The following FHIP1A variants were observed in gnomAD, a reference collection of about 807,000 sequenced individuals.
FHIP1A encodes the protein FHF complex subunit HOOK-interacting protein 1A.
A neutral mutation model predicts 88.6 loss-of-function variants in FHIP1A; 61 were observed. The observed-to-expected ratio is 0.69, with a 90% CI of 0.56 to 0.85. The LOEUF (loss-of-function observed/expected upper bound fraction) is 0.85, where lower values mean the gene tolerates loss of function less well. Ranked by LOEUF, FHIP1A falls within the 40% of genes least tolerant of loss-of-function variation. FHIP1A has a pLI of 0.00. For missense variants in FHIP1A, 1,154 were observed against 1,273.5 expected (o/e 0.91, Z 1.43); for synonymous variants, 478 against 496.0 (o/e 0.96, Z 0.48).
At position 151,669,095 on chromosome 4, in the gene FHIP1A, A is replaced by G. The variant is rs188002860; in HGVS notation, c.*6341A>G. Among the ~76,000 whole-genome samples the G allele has an allele frequency of 5.0e-4, 76 of 152,360 alleles. No individual in the cohort carries two copies. The highest frequency in any genetic ancestry group is 1.5e-3 in the African/African-American group (64 of 41,582). On this transcript the variant is annotated 3_prime_UTR_variant, in exon 14 of 14. Coordinates refer to ENST00000435205, the MANE Select transcript of FHIP1A (RefSeq NM_001109977.3). ...TGTATTTCACTGAGGCCCCTTTATA[A>G]GCAGAGCCATCTTTGCGAATTTCTT...
At chr4:151,548,895 G>A (rs1338120552) in intron 3 of FHIP1A, among the ~76,000 whole-genome samples, 2 of 152,202 alleles carry the variant, frequency 1.3e-5, no homozygotes, top group African/African-American at 4.8e-5. Context: ...TCTCAGCAAG[G>A]CAACTTTTAC....
Position 151,666,579 on chromosome 4 carries a change from A to C in FHIP1A, c.*3825A>C, listed in dbSNP as rs1341803706. Among the ~76,000 whole-genome samples, 1 of 152,194 alleles carries C rather than the reference A, an allele frequency of 6.6e-6. No individual in the cohort carries two copies. Among genetic ancestry groups the C allele is most frequent in the South Asian group, 2.1e-4 (1 of 4,830 alleles). ...CAGAATCTAGAAACAGGCTACATGAATATTGGGGTTGCCTGTTTAATTTGG... is the reference window on the plus strand; with the variant it reads ...CAGAATCTAGAAACAGGCTACATGACTATTGGGGTTGCCTGTTTAATTTGG... On this transcript the variant is annotated 3_prime_UTR_variant, in exon 14 of 14. Transcript: ENST00000435205.
At chr4:151,539,036 A>C (rs1446156433) in intron 3 of FHIP1A, among the ~76,000 whole-genome samples, 4 of 152,132 alleles carry the variant, frequency 2.6e-5, no homozygotes, top group Non-Finnish European at 4.4e-5. Flanking sequence ...ATTAGGGATT[A>C]TTGTCCAGTG....
At chr4:151,564,518 G>A (rs985939458) in intron 3 of FHIP1A, among the ~76,000 whole-genome samples, 3 of 152,178 alleles carry the variant, frequency 2.0e-5, no homozygotes, top group African/African-American at 4.8e-5. Context: ...GGGAGAATGC[G>A]TACCCTGCAA....
chr4:151,532,488 T>C (rs1731914796), intron 3 of FHIP1A, among the ~76,000 whole-genome samples: 1 of 152,202 alleles, frequency 6.6e-6, no homozygotes, highest in Non-Finnish European at 1.5e-5. Flanking sequence ...AAGAGCCTCC[T>C]GGAGGAAGGT....
rs1158764902 is a variant in FHIP1A at position 151,665,405 on chromosome 4, T to G, written c.*2651T>G. Among the ~76,000 whole-genome samples the G allele has an allele frequency of 6.6e-6, 1 of 152,226 alleles. No homozygotes were observed. Among genetic ancestry groups the G allele is most frequent in the Middle Eastern group, 3.2e-3 (1 of 316 alleles). On this transcript the variant is annotated 3_prime_UTR_variant, in exon 14 of 14. Coordinates refer to ENST00000435205, the MANE Select transcript of FHIP1A (RefSeq NM_001109977.3). ...GATAACACTAACTTCCTATTTGGAT[T>G]TGGAAACTGGTTCCTGTTTCTGAAT...
chr4:151,507,030 T>G (rs187153703), intron 3 of FHIP1A, among the ~76,000 whole-genome samples: 1 of 152,162 alleles, frequency 6.6e-6, no homozygotes, highest in Admixed American at 6.5e-5. Flanking sequence ...ACAAGGTACT[T>G]GTTTCTAGTT....
intron 5 of FHIP1A, among the ~76,000 whole-genome samples, chr4:151,584,513 C>T (rs1327652291): frequency 6.6e-6 from 1 of 152,108 alleles, no homozygotes; most frequent in African/African-American, 2.4e-5. Context: ...ATTATTTTGT[C>T]ATATCTCATC....
chr4:151,537,297 A>G (rs1732105780), intron 3 of FHIP1A, among the ~76,000 whole-genome samples: 1 of 152,154 alleles, frequency 6.6e-6, no homozygotes, highest in South Asian at 2.1e-4. Flanking sequence ...CACTGTTTTT[A>G]ATTTAAGCCA....
At chr4:151,562,392 T>C (rs899932956) in intron 3 of FHIP1A, among the ~76,000 whole-genome samples, 25 of 152,166 alleles carry the variant, frequency 1.6e-4, no homozygotes, top group Non-Finnish European at 2.9e-4. Flanking sequence ...TCTCTAGCAC[T>C]CTCCTGCCTG....
chr4:151,486,933 A>C (rs983117906), intron 3 of FHIP1A, among the ~76,000 whole-genome samples: 2 of 150,916 alleles, frequency 1.3e-5, no homozygotes, highest in African/African-American at 2.4e-5. Context: ...GCGCCACTGC[A>C]CTCCAGCCTA....
chr4:151,637,680 T>C (rs941842090), intron 8 of FHIP1A, among the ~76,000 whole-genome samples: 1 of 152,066 alleles, frequency 6.6e-6, no homozygotes, highest in African/African-American at 2.4e-5. Context: ...ACTTTGAGAA[T>C]AGATAGGAGT....
intron 7 of FHIP1A, among the ~76,000 whole-genome samples, chr4:151,590,118 G>A (rs1231772850): frequency 6.6e-6 from 1 of 152,220 alleles, no homozygotes; most frequent in Non-Finnish European, 1.5e-5. Flanking sequence ...GGGATGGAAT[G>A]GGTATCTTGC....
chr4:151,517,655 G>A (rs1447962679), intron 3 of FHIP1A, among the ~76,000 whole-genome samples: 1 of 152,102 alleles, frequency 6.6e-6, no homozygotes, highest in Non-Finnish European at 1.5e-5. Flanking sequence ...TAGATGGAAT[G>A]TAGAACTGTG....
intron 3 of FHIP1A, among the ~76,000 whole-genome samples, chr4:151,502,887 C>T (rs1302544736): frequency 6.6e-6 from 1 of 152,092 alleles, no homozygotes; most frequent in Non-Finnish European, 1.5e-5. Flanking sequence ...TGGTGTTGGC[C>T]CATATTTTCA....
At chr4:151,639,296 C>T (rs1460608728) in intron 9 of FHIP1A, among the ~76,000 whole-genome samples, 1 of 152,028 alleles carries the variant, frequency 6.6e-6, no homozygotes, top group East Asian at 1.9e-4. Flanking sequence ...GTCCTTTGGA[C>T]GGAAGTACAG....
intron 2 of FHIP1A, among the ~76,000 whole-genome samples, chr4:151,465,933 C>T (rs950914515): frequency 3.3e-5 from 5 of 152,226 alleles, no homozygotes; most frequent in East Asian, 3.9e-4. Context: ...TGGGCAAAAG[C>T]TGGAAGCATT....
intron 7 of FHIP1A, among the ~76,000 whole-genome samples, chr4:151,625,951 G>A (rs1460460982): frequency 6.6e-6 from 1 of 152,164 alleles, no homozygotes; most frequent in African/African-American, 2.4e-5. Context: ...GATGAGAACT[G>A]GTGGGTGAAA....
At chr4:151,574,857 A>G (rs192083317) in intron 4 of FHIP1A, among the ~76,000 whole-genome samples, 1 of 152,284 alleles carries the variant, frequency 6.6e-6, no homozygotes, top group East Asian at 1.9e-4. Context: ...TTGTATGGTG[A>G]TATAACATAT....
Sources: gnomAD v4.1 joint callset for allele counts (sites outside exome capture counted in the v4.1 genomes callset) on GRCh38, gnomAD v4.1.1 for gene constraint, MANE v1.5 for transcripts, NCBI Gene and HGNC (gene_info 2026-07-23, HGNC 2026-07-21) for gene names.